Variants in EFCAB6 observed in about 807,000 individuals in gnomAD.
EFCAB6 encodes EF-hand calcium binding domain 6.
In EFCAB6, 156 loss-of-function variants were observed where a neutral mutation model predicts 169.8. That is an observed-to-expected ratio of 0.92 (90% CI 0.81 to 1.05). EFCAB6 has a LOEUF of 1.05. Among genes scored for constraint, EFCAB6 ranks in the 50% least tolerant of loss-of-function variants. The pLI, the probability that EFCAB6 is intolerant of heterozygous loss-of-function variation, is 0.00. For synonymous variants in EFCAB6, 698 were observed against 676.4 expected (o/e 1.03, Z -0.50); for missense variants, 1,800 against 1,829.1 (o/e 0.98, Z 0.29).
intron 2 of EFCAB6, among the ~76,000 whole-genome samples, chr22:43,784,558 C>A (rs1471153099): frequency 3.6e-5 from 3 of 84,276 alleles, no homozygotes; most frequent in East Asian, 3.5e-4. Context: ...TGTATATATA[C>A]ACATATATAT....
At chr22:43,607,463 A>G (rs1019626175) in intron 22 of EFCAB6, among the ~76,000 whole-genome samples, 19 of 152,334 alleles carry the variant, frequency 1.2e-4, no homozygotes, top group African/African-American at 4.6e-4. Flanking sequence ...AGGCAGGGCT[A>G]TGCATTTGCC....
intron 21 of EFCAB6, among the ~76,000 whole-genome samples, chr22:43,612,688 TCGAGAC>T (rs2053399172): frequency 6.6e-6 from 1 of 152,070 alleles, no homozygotes; most frequent in African/African-American, 2.4e-5. Flanking sequence ...GGTCAGGAGT[TCGAGAC>T]CAGCCTGGCC....
intron 24 of EFCAB6, among the ~76,000 whole-genome samples, chr22:43,581,950 T>C (rs556971413): frequency 1.1e-4 from 16 of 152,346 alleles, no homozygotes; most frequent in African/African-American, 3.8e-4. Flanking sequence ...AAAGTCTATT[T>C]TGGATCTAGA....
At chr22:43,701,837 G>C (rs1052668927) in intron 10 of EFCAB6, among the ~76,000 whole-genome samples, 1 of 151,854 alleles carries the variant, frequency 6.6e-6, no homozygotes, top group Non-Finnish European at 1.5e-5. Context: ...GCATGTATTT[G>C]ATTATGTTAA....
intron 7 of EFCAB6, among the ~76,000 whole-genome samples, chr22:43,735,161 G>A (rs925784180): frequency 6.6e-6 from 1 of 152,124 alleles, no homozygotes; most frequent in Non-Finnish European, 1.5e-5. Flanking sequence ...CAAACATTTG[G>A]CTTCTTCTAA....
chr22:43,760,693 C>T (rs904888694), intron 5 of EFCAB6, among the ~76,000 whole-genome samples: 2 of 145,796 alleles, frequency 1.4e-5, no homozygotes, highest in Admixed American at 7.0e-5. Context: ...GAGTCTCACT[C>T]TGTTGCCTAG....
chr22:43,620,190 G>GCA (rs2054021423), intron 20 of EFCAB6, among the ~76,000 whole-genome samples: 1 of 152,092 alleles, frequency 6.6e-6, no homozygotes, highest in Non-Finnish European at 1.5e-5. Context: ...GTGCTCACCT[G>GCA]TGATTGCAGC....
chr22:43,673,011 G>A (rs941439765), intron 13 of EFCAB6, among the ~76,000 whole-genome samples: 8 of 152,150 alleles, frequency 5.3e-5, no homozygotes, highest in African/African-American at 1.9e-4. Flanking sequence ...CTATCAGAAT[G>A]GCGAAAACGC....
At chr22:43,647,531 T>C (rs1420840736) in intron 17 of EFCAB6, among the ~76,000 whole-genome samples, 4 of 152,190 alleles carry the variant, frequency 2.6e-5, no homozygotes, top group African/African-American at 7.2e-5. Flanking sequence ...TTATACATTG[T>C]TGTCGGTTGA....
chr22:43,800,225 C>T (rs1379898257), intron 2 of EFCAB6, among the ~76,000 whole-genome samples: 1 of 152,208 alleles, frequency 6.6e-6, no homozygotes, highest in East Asian at 1.9e-4. Flanking sequence ...TTGGGACCTC[C>T]CCCATTCAGG....
rs1240222331 is a variant in EFCAB6 at position 43,537,702 on chromosome 22, A to T, written c.3880-157T>A. 6.6e-6 allele frequency among the ~76,000 whole-genome samples: 1 copy of T among 152,204 alleles called. No homozygotes were observed. The highest frequency in any genetic ancestry group is 1.5e-5 in the Non-Finnish European group (1 of 68,034). ...ATAAAACATAGATGGTGATTTTACA[A>T]TGTAGCTTTTATTTCCATTGGTGGG... On this transcript the variant is annotated intron_variant, in intron 28 of 31. Transcript: ENST00000262726. This position sits in a 1 kb window ranked among gnomAD's most constrained non-coding sequence, Gnocchi z 4.3.
chr22:43,647,369 T>C (rs1290329499), intron 17 of EFCAB6, among the ~76,000 whole-genome samples: 2 of 152,152 alleles, frequency 1.3e-5, no homozygotes, highest in African/African-American at 4.8e-5. Flanking sequence ...GAAAATATAT[T>C]TGTATTGAAG....
chr22:43,589,380 C>T lies in EFCAB6; in HGVS notation c.3032+694G>A, dbSNP rs117090078. Reference sequence around the variant, plus strand: ...AGTCAACAGGATTGGAAGTTGTTGACTTTGGGTAGTGAAATAAGGGCTGCA... The same window carrying T: ...AGTCAACAGGATTGGAAGTTGTTGATTTTGGGTAGTGAAATAAGGGCTGCA... On this transcript the variant is annotated intron_variant, in intron 24 of 31. Coordinates refer to ENST00000262726, the MANE Select transcript of EFCAB6 (RefSeq NM_022785.4). 3.4e-3 allele frequency among the ~76,000 whole-genome samples: 455 copies of T among 133,760 alleles called. 2 individuals carry two copies. The highest frequency in any genetic ancestry group is 5.2e-3 in the Non-Finnish European group (322 of 62,234). The allele number at this position is 133,760 out of a possible 152,430, so 87.8% of individuals were successfully genotyped here.
Position 43,735,851 on chromosome 22 carries a change from G to C in EFCAB6, c.644+6C>G. ...GCAATCTCTCACCGTGCCTTCATTTGCTTACTTTTCGTATTCCTCGTCTCT... is the reference window on the plus strand; with the variant it reads ...GCAATCTCTCACCGTGCCTTCATTTCCTTACTTTTCGTATTCCTCGTCTCT... On this transcript the variant is annotated splice_donor_region_variant and intron_variant, in intron 7 of 31. Transcript: ENST00000262726. 6.2e-7 allele frequency: 1 copy of C among 1,611,702 alleles called. No individual in the cohort carries two copies. Among genetic ancestry groups the C allele is most frequent in the Non-Finnish European group, 8.5e-7 (1 of 1,179,422 alleles).
At chr22:43,705,090 G>A (rs374950432) in intron 10 of EFCAB6, among the ~76,000 whole-genome samples, 4 of 151,956 alleles carry the variant, frequency 2.6e-5, no homozygotes, top group Admixed American at 6.6e-5. Flanking sequence ...TGCTTATATC[G>A]GACAAAATAG....
intron 27 of EFCAB6, among the ~76,000 whole-genome samples, chr22:43,541,183 C>A (rs559027585): frequency 6.6e-6 from 1 of 152,180 alleles, no homozygotes; most frequent in East Asian, 1.9e-4. Context: ...TCCCATCCTG[C>A]GCTTTCCCCT....
chr22:43,801,676 AT>A (rs148245161), intron 2 of EFCAB6, among the ~76,000 whole-genome samples: 2,612 of 152,312 alleles, frequency 0.017, 70 homozygotes, highest in African/African-American at 0.06. Context: ...TTTTAAAATA[AT>A]TTGTTATATC....
chr22:43,636,863 G>A (rs996708347), intron 17 of EFCAB6, among the ~76,000 whole-genome samples: 1 of 152,038 alleles, frequency 6.6e-6, no homozygotes, highest in African/African-American at 2.4e-5. Flanking sequence ...GCCTGCCTCA[G>A]CCTCCCAAAA....
intron 17 of EFCAB6, among the ~76,000 whole-genome samples, chr22:43,647,079 C>T (rs978473277): frequency 6.6e-6 from 1 of 151,070 alleles, no homozygotes; most frequent in Non-Finnish European, 1.5e-5. Flanking sequence ...CAGGGGTATA[C>T]GGGAACTTTG....
Sources: allele counts gnomAD v4.1 joint callset (sites outside exome capture counted in the v4.1 genomes callset), GRCh38; gene constraint gnomAD v4.1.1; non-coding constraint Gnocchi (gnomAD v3.1); transcripts MANE v1.5; gene names NCBI Gene and HGNC (gene_info 2026-07-23, HGNC 2026-07-21).